Variants in ZNF100 observed in about 807,000 individuals in gnomAD.
ZNF100 encodes the protein zinc finger protein 100 (Y1).
Under a neutral mutation model 15.8 loss-of-function variants are expected in ZNF100, and 12 were observed. The observed-to-expected ratio is 0.76, with a 90% confidence interval of 0.49 to 1.23. ZNF100 has a LOEUF of 1.23. Among genes scored for constraint, ZNF100 ranks in the 50% most tolerant of loss-of-function variants. The probability of loss-of-function intolerance (pLI) is 0.00; values close to 1 mark genes in which losing one functional copy is unlikely to be tolerated. For missense variants in ZNF100, 670 were observed against 635.6 expected (o/e 1.05, Z -0.58); for synonymous variants, 226 against 214.8 (o/e 1.05, Z -0.45).
Position 21,727,145 on chromosome 19 carries a change from A to G in ZNF100, c.1167T>C (p.Thr389=), listed in dbSNP as rs746388195. The change falls in exon 5 of 5, where the codon ACT becomes ACC. Residue 389 remains threonine, a synonymous_variant. Transcript: ENST00000358296. ...CTCCAGTATGACTTGTCTTATGTTT[A>G]GTAAGGTATGAGAATCGGTAAAAAG... ...GKAFYRFSYL[T]KHKTSHTGEK... The G allele has an allele frequency of 5.6e-6, 9 of 1,611,810 alleles. No individual in the cohort carries two copies. The African/African-American group carries it at 1.2e-4, about 22-fold the overall frequency.
intron 2 of ZNF100, chr19:21,751,092 C>G: frequency 7.0e-7 from 1 of 1,434,336 alleles, no homozygotes; most frequent in South Asian, 1.1e-5. Context: ...ACCCTTCTGA[C>G]CATCCAAGGG....
intron 2 of ZNF100, chr19:21,751,672 G>A (rs530837718): frequency 3.3e-5 from 43 of 1,299,884 alleles, no homozygotes; most frequent in East Asian, 1.2e-4. Flanking sequence ...GGCATTTTTC[G>A]GAGCTTCTTC....
intron 4 of ZNF100, among the ~76,000 whole-genome samples, chr19:21,731,291 CTTTT>C (rs943811078): frequency 1.3e-5 from 2 of 149,652 alleles, no homozygotes; most frequent in African/African-American, 5.0e-5. Flanking sequence ...AGTTTCTTTC[CTTTT>C]TCTTTCCTTT....
At chr19:21,758,416 TAGAAAA>T (rs778884126) in intron 2 of ZNF100, among the ~76,000 whole-genome samples, 19 of 152,138 alleles carry the variant, frequency 1.2e-4, no homozygotes, top group Non-Finnish European at 2.5e-4. Flanking sequence ...TGTACACGTG[TAGAAAA>T]AGAAAATCCA....
intron 2 of ZNF100, chr19:21,750,824 G>A (rs1310818879): frequency 4.7e-5 from 21 of 445,952 alleles, no homozygotes; most frequent in Non-Finnish European, 7.9e-5. Context: ...GCCAGCCCCG[G>A]CCCAGAGGAG....
At chr19:21,755,221 C>T (rs913734016) in intron 2 of ZNF100, among the ~76,000 whole-genome samples, 2 of 151,866 alleles carry the variant, frequency 1.3e-5, no homozygotes, top group Non-Finnish European at 2.9e-5. Flanking sequence ...GCAGGAGATT[C>T]GCTTGAACCC....
intron 1 of ZNF100, 108 bp from the exon 2 acceptor site, chr19:21,765,894 G>C: frequency 9.0e-7 from 1 of 1,114,872 alleles, no homozygotes; most frequent in South Asian, 1.4e-5. Flanking sequence ...CCCAGGACCA[G>C]GAAAAAACTA....
At chr19:21,741,387 T>A (rs61037485) in intron 4 of ZNF100, among the ~76,000 whole-genome samples, 78,905 of 151,768 alleles carry the variant, frequency 0.52, 21,121 homozygotes, top group East Asian at 0.65. Flanking sequence ...TATTATTATT[T>A]TTTTTGAGAC....
At chr19:21,766,987 G>T (rs2036573993) in intron 1 of ZNF100, among the ~76,000 whole-genome samples, 1 of 91,426 alleles carries the variant, frequency 1.1e-5, no homozygotes, top group South Asian at 3.8e-4. Context: ...GAGCGACTCC[G>T]TCTCAAACAA....
At chr19:21,737,888 T>C (rs1425127691) in intron 4 of ZNF100, among the ~76,000 whole-genome samples, 1 of 152,154 alleles carries the variant, frequency 6.6e-6, no homozygotes, top group African/African-American at 2.4e-5. Context: ...ATCAGCATCA[T>C]TCTGATATCC....
At chr19:21,742,077 C>G (rs2036119381) in intron 4 of ZNF100, among the ~76,000 whole-genome samples, 1 of 152,058 alleles carries the variant, frequency 6.6e-6, no homozygotes. Flanking sequence ...AGAGCGATCA[C>G]TTGAGGTCAG....
At chr19:21,741,843 T>C (rs994831064) in intron 4 of ZNF100, among the ~76,000 whole-genome samples, 3 of 152,100 alleles carry the variant, frequency 2.0e-5, no homozygotes, top group African/African-American at 7.2e-5. Flanking sequence ...TGCCTGGCAA[T>C]TTTTTAAATA....
At chr19:21,759,151 C>T (rs908602409) in intron 2 of ZNF100, among the ~76,000 whole-genome samples, 1 of 152,148 alleles carries the variant, frequency 6.6e-6, no homozygotes, top group East Asian at 1.9e-4. Flanking sequence ...TGTTTCTGGG[C>T]TACTGTTTAA....
chr19:21,756,751 T>C (rs2036398310), intron 2 of ZNF100, among the ~76,000 whole-genome samples: 1 of 152,160 alleles, frequency 6.6e-6, no homozygotes, highest in East Asian at 1.9e-4. Context: ...TTAAAATTTA[T>C]ATGGAACTAA....
At chr19:21,758,147 G>A (rs975264550) in intron 2 of ZNF100, among the ~76,000 whole-genome samples, 3 of 151,668 alleles carry the variant, frequency 2.0e-5, no homozygotes, top group African/African-American at 7.3e-5. Context: ...GCAGCAACAC[G>A]GATGGCGCTG....
intron 4 of ZNF100, among the ~76,000 whole-genome samples, chr19:21,729,805 A>G (rs748526927): frequency 6.6e-6 from 1 of 152,114 alleles, no homozygotes; most frequent in African/African-American, 2.4e-5. Flanking sequence ...ATAAATATAC[A>G]ACATAAAAAG....
rs535666999 is a variant in ZNF100 at position 21,749,507 on chromosome 19, T to C, written c.97-4440A>G. 6.6e-5 allele frequency among the ~76,000 whole-genome samples: 10 copies of C among 152,328 alleles called. No individual in the cohort carries two copies. In the East Asian group the frequency reaches 1.9e-3, roughly 29 times the overall value. On this transcript the variant is annotated intron_variant, in intron 2 of 4. Coordinates refer to ENST00000358296, the MANE Select transcript of ZNF100 (RefSeq NM_173531.4). ...GCTGATTCTAAATAGAAAATGGAAC[T>C]GCCTTGGTGGAGCTCCAGAACCTGC... is the stretch of plus-strand genomic sequence containing the variant.
In ZNF100 at chr19:21,727,813, G is replaced by C; in HGVS notation, c.499C>G (p.Gln167Glu). The part of the protein sequence containing the change: ...VHKEHDNKLN[Q>E]CLITTQSNIF... ...TTGCTCTGGGTAGTTATCAAACACT[G>C]GTTTAATTTGTTATCATGTTCTTTG... The change falls in exon 5 of 5, where the codon CAG (glutamine) becomes GAG (glutamate). Residue 167 changes from glutamine to glutamate, a missense_variant. By Grantham distance (29) the Gln-to-Glu change is conservative. Coordinates refer to ENST00000358296, the MANE Select transcript of ZNF100 (RefSeq NM_173531.4). 6.2e-7 allele frequency: 1 copy of C among 1,613,118 alleles called. No individual in the cohort carries two copies. Among genetic ancestry groups the C allele is most frequent in the Non-Finnish European group, 8.5e-7 (1 of 1,179,682 alleles).
At position 21,727,192 on chromosome 19, in the gene ZNF100, T is replaced by C; in HGVS notation, c.1120A>G (p.Lys374Glu). The C allele has an allele frequency of 3.1e-6, 5 of 1,613,904 alleles. No individual in the cohort carries two copies. Among genetic ancestry groups the C allele is most frequent in the Non-Finnish European group, 4.2e-6 (5 of 1,179,910 alleles). The part of the protein sequence containing the change: ...KITHAGEKPY[K>E]CEECGKAFYR... ...AAAGCTTTGCCACATTCTTCACATT[T>C]GTAAGGTTTCTCTCCAGCATGAGTT... The change falls in exon 5 of 5, where the codon AAA becomes GAA. Residue 374 changes from lysine to glutamate, a missense_variant. Physicochemically the swap from Lys to Glu is moderately conservative, Grantham distance 56 (BLOSUM62 1). Transcript: ENST00000358296.
Sources: allele counts gnomAD v4.1 joint callset (sites outside exome capture counted in the v4.1 genomes callset), GRCh38; gene constraint gnomAD v4.1.1; transcripts MANE v1.5; gene names NCBI Gene and HGNC (gene_info 2026-07-23, HGNC 2026-07-21).